GPC5: variants seen among roughly 807,000 people sequenced by gnomAD.
GPC5 encodes glypican-5.
In GPC5, 47 loss-of-function variants were observed where a neutral mutation model predicts 53.9. The ratio of observed to expected loss-of-function variants is 0.87; its 90% CI spans 0.69 to 1.11. The LOEUF is 1.11. GPC5 is among the 50% of genes most tolerant of loss of function. The probability of loss-of-function intolerance (pLI) is 0.00; values close to 1 mark genes in which losing one functional copy is unlikely to be tolerated. For missense variants in GPC5, 748 were observed against 713.1 expected, an observed-to-expected ratio of 1.05 and a Z score of -0.56; for synonymous variants, 286 against 263.3, an observed-to-expected ratio of 1.09 and a Z score of -0.84.
chr13:91,500,176 G>A (rs1884538796), intron 2 of GPC5, among the ~76,000 whole-genome samples: 1 of 152,074 alleles, frequency 6.6e-6, no homozygotes. Flanking sequence ...TATATTTGTT[G>A]TCTGTCTCTT....
At chr13:92,668,566 A>G (rs1275285289) in intron 7 of GPC5, among the ~76,000 whole-genome samples, 1 of 152,084 alleles carries the variant, frequency 6.6e-6, no homozygotes, top group African/African-American at 2.4e-5. Context: ...AAGGTTTTCT[A>G]TTCTTTCTTA....
At chr13:91,850,132 C>T (rs2038896857) in intron 5 of GPC5, among the ~76,000 whole-genome samples, 1 of 152,102 alleles carries the variant, frequency 6.6e-6, no homozygotes, top group Admixed American at 6.6e-5. Flanking sequence ...GGTTGAGATA[C>T]CATGACTCTC....
intron 5 of GPC5, among the ~76,000 whole-genome samples, chr13:91,787,853 A>G (rs2037902774): frequency 6.6e-6 from 1 of 152,210 alleles, no homozygotes; most frequent in Non-Finnish European, 1.5e-5. Flanking sequence ...TTTTGTAATG[A>G]TAAATTAAAT....
intron 2 of GPC5, among the ~76,000 whole-genome samples, chr13:91,596,126 TTC>T (rs1215391300): frequency 6.6e-6 from 1 of 152,252 alleles, no homozygotes; most frequent in Non-Finnish European, 1.5e-5. Context: ...ATAATATCCT[TTC>T]TTCTGAAATA....
At chr13:92,142,324 G>T (rs1346173676) in intron 6 of GPC5, among the ~76,000 whole-genome samples, 2 of 152,130 alleles carry the variant, frequency 1.3e-5, no homozygotes, top group African/African-American at 2.4e-5. Context: ...CATGTAAGTT[G>T]GTAGGCACGA....
At chr13:91,806,557 T>C (rs2138791820) in intron 5 of GPC5, among the ~76,000 whole-genome samples, 1 of 152,286 alleles carries the variant, frequency 6.6e-6, no homozygotes, top group African/African-American at 2.4e-5. Context: ...TGAAAGACTT[T>C]TCACATGCAT....
intron 7 of GPC5, among the ~76,000 whole-genome samples, chr13:92,295,957 C>T (rs1426864419): frequency 1.3e-5 from 2 of 152,182 alleles, no homozygotes; most frequent in Non-Finnish European, 2.9e-5. Flanking sequence ...TTACATTCAA[C>T]ACTAGTATGA....
chr13:92,167,971 T>G (rs2042043769), intron 7 of GPC5, among the ~76,000 whole-genome samples: 3 of 152,256 alleles, frequency 2.0e-5, no homozygotes, highest in African/African-American at 7.2e-5. Flanking sequence ...CCTTGGGTGA[T>G]GACATGACCT....
intron 2 of GPC5, among the ~76,000 whole-genome samples, chr13:91,616,039 G>A (rs748573020): frequency 1.2e-3 from 182 of 152,098 alleles, no homozygotes; most frequent in Middle Eastern, 3.4e-3. Context: ...TGATTATATT[G>A]ACAGATACTG....
At chr13:92,051,467 CG>C (rs2041028843) in intron 6 of GPC5, among the ~76,000 whole-genome samples, 1 of 151,444 alleles carries the variant, frequency 6.6e-6, no homozygotes, top group East Asian at 1.9e-4. Flanking sequence ...CCCAAAGTGC[CG>C]GGATTACAGG....
chr13:92,249,660 C>T (rs1415442338), intron 7 of GPC5, among the ~76,000 whole-genome samples: 5 of 152,026 alleles, frequency 3.3e-5, no homozygotes, highest in Admixed American at 6.6e-5. Flanking sequence ...TGATGGCATG[C>T]TCAATGGTTT....
intron 7 of GPC5, among the ~76,000 whole-genome samples, chr13:92,300,883 A>G (rs753002137): frequency 2.0e-5 from 3 of 152,232 alleles, no homozygotes; most frequent in Non-Finnish European, 2.9e-5. Context: ...AGATTAGCTA[A>G]TTGAGGCATC....
At chr13:92,712,979 C>T (rs1888191576) in intron 7 of GPC5, among the ~76,000 whole-genome samples, 1 of 151,998 alleles carries the variant, frequency 6.6e-6, no homozygotes. Flanking sequence ...TTCCAGCCTC[C>T]AAACCTGTGA....
chr13:92,445,940 T>C (rs1374323789), intron 7 of GPC5, among the ~76,000 whole-genome samples: 1 of 152,032 alleles, frequency 6.6e-6, no homozygotes, highest in Non-Finnish European at 1.5e-5. Flanking sequence ...GTATCATTGG[T>C]CTTTTTTTTA....
intron 6 of GPC5, among the ~76,000 whole-genome samples, chr13:92,114,355 C>T (rs1361533430): frequency 6.6e-6 from 1 of 152,130 alleles, no homozygotes; most frequent in Non-Finnish European, 1.5e-5. Context: ...CAGACCTTCA[C>T]AGGACCTTCT....
chr13:92,803,247 G>A (rs1011166586), intron 7 of GPC5, among the ~76,000 whole-genome samples: 1 of 151,728 alleles, frequency 6.6e-6, no homozygotes, highest in Non-Finnish European at 1.5e-5. Context: ...TTTAATCAGT[G>A]GATAAATGTT....
intron 2 of GPC5, among the ~76,000 whole-genome samples, chr13:91,597,420 T>C (rs1197605582): frequency 6.6e-6 from 1 of 152,224 alleles, no homozygotes; most frequent in Non-Finnish European, 1.5e-5. Flanking sequence ...ATATTTTTCT[T>C]TATATGGCCT....
At position 92,136,165 on chromosome 13, in the gene GPC5, G is replaced by A. The variant is rs57922585; in HGVS notation, c.1402-8665G>A. Among the ~76,000 whole-genome samples, 676 of 152,202 alleles carry A rather than the reference G, an allele frequency of 4.4e-3. 3 individuals carry two copies. The highest frequency in any genetic ancestry group is 0.015 in the African/African-American group (636 of 41,532). On this transcript the variant is annotated intron_variant, in intron 6 of 7. Coordinates refer to ENST00000377067, the MANE Select transcript of GPC5 (RefSeq NM_004466.6). ...TTTTGTGTCTCAATTGAAATATGTT[G>A]TAGAGATAAATTTAAAATAGATCAT...
chr13:91,815,918 C>T (rs2038392165), intron 5 of GPC5, among the ~76,000 whole-genome samples: 1 of 152,186 alleles, frequency 6.6e-6, no homozygotes, highest in African/African-American at 2.4e-5. Flanking sequence ...CCCACTTCCT[C>T]TGCTACCCCA....
Sources: gnomAD v4.1 joint callset for allele counts (sites outside exome capture counted in the v4.1 genomes callset) on GRCh38, gnomAD v4.1.1 for gene constraint, MANE v1.5 for transcripts, NCBI Gene and HGNC (gene_info 2026-07-23, HGNC 2026-07-21) for gene names.